Variants in PLIN3 observed in about 807,000 individuals in gnomAD.
PLIN3 encodes the protein perilipin 3, also known as perilipin-3.
In PLIN3, 30 loss-of-function variants were observed where a neutral mutation model predicts 35.9. The ratio of observed to expected loss-of-function variants is 0.84; its 90% confidence interval spans 0.62 to 1.13. PLIN3 has a LOEUF of 1.13. PLIN3 is among the 50% of genes most tolerant of loss of function. The probability of loss-of-function intolerance (pLI) is 0.00; values close to 1 mark genes in which losing one functional copy is unlikely to be tolerated. For synonymous variants in PLIN3, 261 were observed against 262.5 expected (o/e 0.99, Z 0.06); for missense variants, 603 against 596.9 (o/e 1.01, Z -0.11).
In PLIN3 at chr19:4,853,926, T is replaced by C. The variant is rs528742178; in HGVS notation, c.349-1625A>G. ...TGTCAATACCTGCTGTTCTCGAATC[T>C]AAGTCTTTTTTTTTTTTTTCTTTTG... On this transcript the variant is annotated intron_variant, in intron 4 of 7. Coordinates refer to ENST00000221957, the MANE Select transcript of PLIN3 (RefSeq NM_005817.5). 4.2e-3 allele frequency among the ~76,000 whole-genome samples: 550 copies of C among 130,030 alleles called. 2 individuals carry two copies. Among genetic ancestry groups the C allele is most frequent in the Admixed American group, 8.8e-3 (100 of 11,312 alleles). 85.3% of individuals were successfully genotyped at this position (130,030 alleles called of 152,430 possible). A position where few individuals can be genotyped will look rare whatever the true frequency, so the allele number is the denominator to read the frequency against.
chr19:4,863,439 G>A (rs1245675070), intron 1 of PLIN3, among the ~76,000 whole-genome samples: 1 of 151,022 alleles, frequency 6.6e-6, no homozygotes, highest in Non-Finnish European at 1.5e-5. Context: ...GGAAGTTGCA[G>A]TGAGCCGAGA....
At chr19:4,841,667 C>T (rs978633142) in intron 7 of PLIN3, among the ~76,000 whole-genome samples, 7 of 150,656 alleles carry the variant, frequency 4.6e-5, no homozygotes, top group African/African-American at 9.7e-5. Flanking sequence ...TTTGGGAGGC[C>T]GAGGAGGGTG....
intron 4 of PLIN3, among the ~76,000 whole-genome samples, chr19:4,854,699 T>G (rs1215192144): frequency 2.0e-5 from 3 of 151,958 alleles, no homozygotes; most frequent in African/African-American, 7.3e-5. Context: ...TGGCCCGGAT[T>G]AAAATCTAGC....
Position 4,844,795 on chromosome 19 carries a change from T to C in PLIN3, c.835-2A>G. The C allele has an allele frequency of 6.3e-7, 1 of 1,594,272 alleles. No homozygotes were observed. Among genetic ancestry groups the C allele is most frequent in the Non-Finnish European group, 8.5e-7 (1 of 1,170,594 alleles). On this transcript the variant is annotated splice_acceptor_variant, in intron 6 of 7. Coordinates refer to ENST00000221957, the MANE Select transcript of PLIN3 (RefSeq NM_005817.5). LOFTEE classifies it high-confidence loss of function. Reference sequence around the variant, plus strand: ...AACGCCTTGCTTGACAGTTTCCATCTGGGGCAGGGGAGAGAGAAGTGAGGG... The same window carrying C: ...AACGCCTTGCTTGACAGTTTCCATCCGGGGCAGGGGAGAGAGAAGTGAGGG...
rs1273766654 is a variant in PLIN3, at chr19:4,838,632, G to A, written c.*560C>T. ...TCTCACTCTTGTCCCCCAGGCTGGA[G>A]TGCAATGGCGCGATCTTGGCTCACT... On this transcript the variant is annotated 3_prime_UTR_variant, in exon 8 of 8. Coordinates refer to ENST00000221957, the MANE Select transcript of PLIN3 (RefSeq NM_005817.5). The A allele has an allele frequency of 6.7e-6, 1 of 149,750 alleles. No homozygotes were observed. Among genetic ancestry groups the A allele is most frequent in the Non-Finnish European group, 1.5e-5 (1 of 67,802 alleles). The allele number at this position is 149,750 out of a possible 1,614,324, so 9.3% of individuals were successfully genotyped here. A position where few individuals can be genotyped will look rare whatever the true frequency, so the allele number is the denominator to read the frequency against.
chr19:4,858,979 G>A (rs1025839780), intron 4 of PLIN3, among the ~76,000 whole-genome samples: 5 of 152,020 alleles, frequency 3.3e-5, no homozygotes, highest in Non-Finnish European at 7.4e-5. Context: ...TGGGATTACA[G>A]GCATGAGCCA....
intron 5 of PLIN3, 54 bp downstream of exon 5, chr19:4,851,962 T>G: frequency 6.4e-7 from 1 of 1,563,830 alleles, no homozygotes; most frequent in Non-Finnish European, 8.7e-7. Flanking sequence ...GACAGCGGCT[T>G]CCGGTCAGGG....
intron 5 of PLIN3, among the ~76,000 whole-genome samples, chr19:4,848,836 C>T (rs576967565): frequency 5.9e-5 from 9 of 152,006 alleles, no homozygotes; most frequent in African/African-American, 1.9e-4. Context: ...CACTGCACTC[C>T]AGCCTGGGTG....
At chr19:4,849,361 G>A (rs1260104856) in intron 5 of PLIN3, among the ~76,000 whole-genome samples, 1 of 152,052 alleles carries the variant, frequency 6.6e-6, no homozygotes, top group East Asian at 1.9e-4. Flanking sequence ...AGGCTGGAGT[G>A]CAGCGGTGCA....
intron 7 of PLIN3, among the ~76,000 whole-genome samples, chr19:4,843,569 T>C (rs565851657): frequency 6.6e-6 from 1 of 150,512 alleles, no homozygotes; most frequent in African/African-American, 2.5e-5. Context: ...TGGTGGCTCA[T>C]GCCTGTAATC....
intron 4 of PLIN3, among the ~76,000 whole-genome samples, chr19:4,852,734 G>A (rs1186657543): frequency 2.0e-5 from 3 of 151,866 alleles, no homozygotes; most frequent in African/African-American, 4.8e-5. Flanking sequence ...TCTGTCTCCC[G>A]GGTTCAAGCA....
chr19:4,848,275 C>T (rs1266156901), intron 5 of PLIN3, among the ~76,000 whole-genome samples: 1 of 152,334 alleles, frequency 6.6e-6, no homozygotes, highest in African/African-American at 2.4e-5. Flanking sequence ...TGAGCCACCA[C>T]ACCTGGCCAT....
intron 7 of PLIN3, among the ~76,000 whole-genome samples, chr19:4,841,817 A>ACCAC: frequency 1.4e-5 from 2 of 144,936 alleles, no homozygotes; most frequent in Admixed American, 7.0e-5. Flanking sequence ...AGGCAGGAGA[A>ACCAC]TGGCGTGAAT....
At chr19:4,842,931 C>T (rs912308800) in intron 7 of PLIN3, among the ~76,000 whole-genome samples, 9 of 152,094 alleles carry the variant, frequency 5.9e-5, no homozygotes, top group East Asian at 1.9e-4. Flanking sequence ...TTTAAAAAAT[C>T]GATCTGGGTC....
Position 4,859,772 on chromosome 19 carries a change from C to T in PLIN3, c.265+54G>A, listed in dbSNP as rs984967457. ...GAGCTGGGTAGACCCCCCTACTCCC[C>T]ACCCAGGGAAATGACCAGGAGGGGA... On this transcript the variant is annotated intron_variant, in intron 3 of 7. Transcript: ENST00000221957. The T allele has an allele frequency of 5.6e-6, 9 of 1,601,886 alleles. No individual in the cohort carries two copies. In the Admixed American group the frequency reaches 8.4e-5, roughly 15 times the overall value.
At chr19:4,841,904 C>CAAAAAAAAAAAAA (rs111932271) in intron 7 of PLIN3, among the ~76,000 whole-genome samples, 2 of 38,630 alleles carry the variant, frequency 5.2e-5, no homozygotes, top group Non-Finnish European at 1.3e-4. Context: ...GACTCCATCT[C>CAAAAAAAAAAAAA]AAAAAAAAAA....
chr19:4,864,239 G>A (rs1318480778), intron 1 of PLIN3, among the ~76,000 whole-genome samples: 4 of 149,864 alleles, frequency 2.7e-5, no homozygotes, highest in East Asian at 2.0e-4. Flanking sequence ...TGTAACCTCC[G>A]CCTTCTGGGT....
At chr19:4,844,626 C>G in intron 7 of PLIN3, 42 bp downstream of exon 7, 1 of 1,557,114 alleles carries the variant, frequency 6.4e-7, no homozygotes, top group South Asian at 1.2e-5. Context: ...GGCATCGGGA[C>G]TCCAAGTACC....
chr19:4,862,133 CT>C (rs34562088), intron 1 of PLIN3, among the ~76,000 whole-genome samples: 242 of 130,980 alleles, frequency 1.8e-3, no homozygotes, highest in Non-Finnish European at 2.1e-3. Flanking sequence ...GAGATGTTAT[CT>C]TTTTTTTTTT....
Sources: gnomAD v4.1 joint callset for allele counts (sites outside exome capture counted in the v4.1 genomes callset) on GRCh38, gnomAD v4.1.1 for gene constraint, MANE v1.5 for transcripts, NCBI Gene and HGNC (gene_info 2026-07-23, HGNC 2026-07-21) for gene names.